Variants in ARHGAP18 observed in about 807,000 individuals in gnomAD.
The protein encoded by ARHGAP18 is Rho GTPase activating protein 18.
Under a neutral mutation model 86.2 loss-of-function variants are expected in ARHGAP18, and 67 were observed. The ratio of observed to expected loss-of-function variants is 0.78; its 90% CI spans 0.64 to 0.95. The LOEUF (loss-of-function observed/expected upper bound fraction) is 0.95, where lower values mean the gene tolerates loss of function less well. Ranked by LOEUF, ARHGAP18 falls within the 40% of genes least tolerant of loss-of-function variation. The pLI, the probability that ARHGAP18 is intolerant of heterozygous loss-of-function variation, is 0.00. For missense variants in ARHGAP18, 691 were observed against 780.4 expected, an observed-to-expected ratio of 0.89 and a Z score of 1.37; for synonymous variants, 283 against 280.4, an observed-to-expected ratio of 1.01 and a Z score of -0.09.
rs1016673139 is a variant in ARHGAP18, at chr6:129,620,011, A to G, written c.787-1159T>C. Among the ~76,000 whole-genome samples, 3 of 152,246 alleles carry G rather than the reference A, an allele frequency of 2.0e-5. No individual in the cohort carries two copies. In the East Asian group the frequency reaches 5.8e-4, roughly 29 times the overall value. On this transcript the variant is annotated intron_variant, in intron 5 of 14. Transcript: ENST00000368149. Reference sequence around the variant, plus strand: ...GATGGGCCACTGAATTCAGAGGGCTATTGTGAGATTTAGTGCCCAGCACTG... The same window carrying G: ...GATGGGCCACTGAATTCAGAGGGCTGTTGTGAGATTTAGTGCCCAGCACTG...
intron 1 of ARHGAP18, among the ~76,000 whole-genome samples, chr6:129,675,046 C>A (rs796355752): frequency 6.6e-6 from 1 of 152,202 alleles, no homozygotes; most frequent in African/African-American, 2.4e-5. Context: ...TGAGCTCTTA[C>A]CATCTGCCAG....
rs1186212431 is a variant in ARHGAP18, at chr6:129,626,233, ATAC to A, written c.786+3117_786+3119del. 5.9e-5 allele frequency among the ~76,000 whole-genome samples: 9 copies of A among 151,426 alleles called. No homozygotes were observed. In the South Asian group the frequency reaches 1.5e-3, roughly 24 times the overall value. Reference sequence around the variant, plus strand: ...AAAAAGAAGTGAGAAATATTTCTCTATACTACTATGGTATGATTTCCACAATAC... The same window carrying A: ...AAAAAGAAGTGAGAAATATTTCTCTATACTATGGTATGATTTCCACAATAC... On this transcript the variant is annotated intron_variant, in intron 5 of 14. Coordinates refer to ENST00000368149, the MANE Select transcript of ARHGAP18 (RefSeq NM_033515.3).
chr6:129,676,209 G>A (rs1774228358), intron 1 of ARHGAP18, among the ~76,000 whole-genome samples: 1 of 152,188 alleles, frequency 6.6e-6, no homozygotes, highest in Non-Finnish European at 1.5e-5. Context: ...TCCTTTAATA[G>A]ATGGGAAAGT....
At chr6:129,624,455 A>G (rs13209278) in intron 5 of ARHGAP18, among the ~76,000 whole-genome samples, 2,937 of 152,140 alleles carry the variant, frequency 0.019, 44 homozygotes, top group Non-Finnish European at 0.032. Context: ...ACTTAAACCC[A>G]GGAGGTGGAG....
intron 11 of ARHGAP18, among the ~76,000 whole-genome samples, chr6:129,600,392 T>C (rs1263288947): frequency 6.6e-6 from 1 of 152,158 alleles, no homozygotes; most frequent in Non-Finnish European, 1.5e-5. Flanking sequence ...CATGGGCTTT[T>C]AAAAATACAG....
rs557133296 is a variant in ARHGAP18 at position 129,581,756 on chromosome 6, GA to G, written c.1839-1626del. On this transcript the variant is annotated intron_variant, in intron 13 of 14. Transcript: ENST00000368149. ...TGGCTTCAGTTGACGAGGTGGGGGAGAAAAAGAATGGAAGGATATAGAGTTT... is the reference window on the plus strand; with the variant it reads ...TGGCTTCAGTTGACGAGGTGGGGGAGAAAAGAATGGAAGGATATAGAGTTT... 1.4e-3 allele frequency among the ~76,000 whole-genome samples: 212 copies of G among 152,192 alleles called. 1 individual carries two copies. The highest frequency in any genetic ancestry group is 2.3e-3 in the Non-Finnish European group (155 of 68,006).
intron 4 of ARHGAP18, among the ~76,000 whole-genome samples, chr6:129,630,230 T>G (rs1773171590): frequency 6.6e-6 from 1 of 152,240 alleles, no homozygotes; most frequent in Non-Finnish European, 1.5e-5. Context: ...TAACTTTGTT[T>G]TGGCTTTTTT....
chr6:129,654,772 C>T (rs749737175), intron 1 of ARHGAP18, among the ~76,000 whole-genome samples: 4 of 152,198 alleles, frequency 2.6e-5, no homozygotes, highest in Non-Finnish European at 5.9e-5. Flanking sequence ...CCTGGATCCT[C>T]CTCTCTGCCC....
chr6:129,655,062 T>G (rs1773797686), intron 1 of ARHGAP18, among the ~76,000 whole-genome samples: 1 of 152,062 alleles, frequency 6.6e-6, no homozygotes, highest in African/African-American at 2.4e-5. Flanking sequence ...GGCTCACGCC[T>G]GTAAGCCCAG....
chr6:129,661,008 G>T (rs1397925337), intron 1 of ARHGAP18, among the ~76,000 whole-genome samples: 1 of 135,300 alleles, frequency 7.4e-6, no homozygotes. Flanking sequence ...AGAAAAAGAG[G>T]ACACAAAACC....
intron 11 of ARHGAP18, 74 bp from the exon 12 acceptor site, chr6:129,599,430 T>A (rs1360689637): frequency 4.0e-6 from 5 of 1,239,730 alleles, no homozygotes; most frequent in Non-Finnish European, 5.3e-6. Flanking sequence ...AAAAATTATA[T>A]TTTTTTAAAT....
chr6:129,644,485 A>G (rs1257362143), intron 1 of ARHGAP18, among the ~76,000 whole-genome samples: 3 of 152,202 alleles, frequency 2.0e-5, no homozygotes, highest in Admixed American at 2.0e-4. Context: ...TAATTTACAG[A>G]TGACTGCCAG....
chr6:129,599,175 C>T (rs1788683101), intron 12 of ARHGAP18, 41 bp downstream of exon 12: 4 of 1,105,304 alleles, frequency 3.6e-6, no homozygotes, highest in African/African-American at 1.6e-5. Flanking sequence ...TAAAAAAATA[C>T]TTAAGATCTG....
chr6:129,621,559 A>C (rs1789229745), intron 5 of ARHGAP18, among the ~76,000 whole-genome samples: 1 of 152,180 alleles, frequency 6.6e-6, no homozygotes, highest in African/African-American at 2.4e-5. Context: ...TTGGCAAACA[A>C]TGTCCCCTTC....
intron 1 of ARHGAP18, among the ~76,000 whole-genome samples, chr6:129,643,948 T>G (rs1337354987): frequency 1.3e-5 from 2 of 152,246 alleles, no homozygotes; most frequent in Admixed American, 1.3e-4. Context: ...GCAGTATAAC[T>G]GAGCACTTAG....
At chr6:129,644,328 C>T (rs1215128768) in intron 1 of ARHGAP18, among the ~76,000 whole-genome samples, 1 of 152,184 alleles carries the variant, frequency 6.6e-6, no homozygotes, top group African/African-American at 2.4e-5. Context: ...AGAGTTTTCA[C>T]TCCTGATTCT....
chr6:129,649,914 G>GTTTTTTTTTTTT (rs374087104), intron 1 of ARHGAP18, among the ~76,000 whole-genome samples: 1 of 129,164 alleles, frequency 7.7e-6, no homozygotes, highest in East Asian at 2.2e-4. Flanking sequence ...CTTTTTTTTT[G>GTTTTTTTTTTTT]TTTTTTTTTT....
chr6:129,577,248 C>A lies in ARHGAP18; in HGVS notation c.*1265G>T, dbSNP rs1788195718. 6.6e-6 allele frequency: 1 copy of A among 152,124 alleles called. No individual in the cohort carries two copies. The highest frequency in any genetic ancestry group is 2.4e-5 in the African/African-American group (1 of 41,434). The allele number at this position is 152,124 out of a possible 1,614,324, so 9.4% of individuals were successfully genotyped here. ...TGACTGTTCTCATTAACAGCATTCC[C>A]CCCCTTCATTAGAGACATCAAGAGC... is the stretch of plus-strand genomic sequence containing the variant. On this transcript the variant is annotated 3_prime_UTR_variant, in exon 15 of 15. Coordinates refer to ENST00000368149, the MANE Select transcript of ARHGAP18 (RefSeq NM_033515.3).
intron 12 of ARHGAP18, among the ~76,000 whole-genome samples, chr6:129,592,974 G>A (rs1165582261): frequency 2.0e-5 from 3 of 152,034 alleles, no homozygotes; most frequent in Admixed American, 6.5e-5. Flanking sequence ...CTTTCTACTC[G>A]TATGTGTTTA....
Sources: allele counts gnomAD v4.1 joint callset (sites outside exome capture counted in the v4.1 genomes callset), GRCh38; gene constraint gnomAD v4.1.1; transcripts MANE v1.5; gene names NCBI Gene and HGNC (gene_info 2026-07-23, HGNC 2026-07-21).